The following MSN variants were observed in gnomAD, a reference collection of about 807,000 sequenced individuals.
MSN encodes moesin.
A neutral mutation model predicts 48.0 loss-of-function variants in MSN; 2 were observed. The observed-to-expected ratio is 0.04, with a 90% CI of 0.02 to 0.13. The LOEUF is 0.13. MSN is among the 10% of genes least tolerant of loss of function. The pLI is 1.00. For missense variants in MSN, 267 were observed against 470.1 expected (o/e 0.57, Z 3.99); for synonymous variants, 146 against 166.9 (o/e 0.87, Z 0.97).
chrX:65,732,505 T>C (rs1465382835), intron 6 of MSN, among the ~76,000 whole-genome samples: 1 of 111,941 alleles, frequency 8.9e-6, no homozygotes, highest in Non-Finnish European at 1.9e-5. Context: ...GACTATCTTA[T>C]CAGCATTTGT....
At chrX:65,680,516 A>G (rs73213351) in intron 1 of MSN, among the ~76,000 whole-genome samples, 3,737 of 111,761 alleles carry the variant, frequency 0.033, 69 homozygotes, top group Non-Finnish European at 0.054. Flanking sequence ...TTGCTAGTAT[A>G]GATACATTCC....
chrX:65,627,205 A>T (rs1371882653), intron 1 of MSN, among the ~76,000 whole-genome samples: 1 of 110,208 alleles, frequency 9.1e-6, no homozygotes, highest in Non-Finnish European at 1.9e-5. Flanking sequence ...TGCATGGTCT[A>T]TAATTTTTAA....
rs896781254 is a variant in MSN, at chrX:65,708,019, A to AT, written c.13-8788dup. Among the ~76,000 whole-genome samples, 103 of 105,425 alleles carry AT rather than the reference A, an allele frequency of 9.8e-4. 1 individual carries two copies. The highest frequency in any genetic ancestry group is 3.2e-3 in the East Asian group (11 of 3,400). 91.5% of individuals were successfully genotyped at this position (105,425 alleles called of 115,157 possible). On this transcript the variant is annotated intron_variant, in intron 1 of 12. Transcript: ENST00000360270. ...AAAATTTTTATTATTTTTTAACTTG[A>AT]TTTTTTTTTTTAAATAGAGATGGTC...
chrX:65,655,827 C>T (rs1010367234), intron 1 of MSN, among the ~76,000 whole-genome samples: 10 of 112,197 alleles, frequency 8.9e-5, no homozygotes, highest in African/African-American at 2.9e-4. Context: ...AGTGCAGTGG[C>T]GTGACCTTGG....
chrX:65,615,045 T>A (rs1158618589), intron 1 of MSN, among the ~76,000 whole-genome samples: 13 of 103,864 alleles, frequency 1.3e-4, no homozygotes, highest in African/African-American at 4.3e-4. Flanking sequence ...CATCATTTTT[T>A]ATGGCTGCAT....
chrX:65,617,297 G>C (rs1035550373), intron 1 of MSN, among the ~76,000 whole-genome samples: 1 of 110,970 alleles, frequency 9.0e-6, no homozygotes, highest in Non-Finnish European at 1.9e-5. Context: ...GTTCCTCCTT[G>C]TACCTCTGGT....
chrX:65,615,411 A>G (rs1250779959), intron 1 of MSN, among the ~76,000 whole-genome samples: 4 of 110,085 alleles, frequency 3.6e-5, no homozygotes, highest in Non-Finnish European at 5.7e-5. Context: ...CAGGTGTGAG[A>G]TGGTATCTCA....
chrX:65,720,730 A>G (rs1166218478), intron 2 of MSN, among the ~76,000 whole-genome samples: 1 of 112,069 alleles, frequency 8.9e-6, no homozygotes, highest in Admixed American at 9.4e-5. Flanking sequence ...CCTGGAACGC[A>G]GCAGTCATCT....
At chrX:65,668,099 T>A (rs2070892771) in intron 1 of MSN, among the ~76,000 whole-genome samples, 2 of 112,655 alleles carry the variant, frequency 1.8e-5, no homozygotes, top group South Asian at 7.3e-4. Context: ...TCCAGTTCCC[T>A]GTGTCTGAGA....
intron 1 of MSN, among the ~76,000 whole-genome samples, chrX:65,656,301 G>A (rs1286665124): frequency 9.8e-6 from 1 of 102,375 alleles, no homozygotes; most frequent in Non-Finnish European, 1.9e-5. Flanking sequence ...GTGTGTGTGT[G>A]TGTATTGTGT....
chrX:65,718,774 C>A (rs141267242), intron 2 of MSN, among the ~76,000 whole-genome samples: 1 of 101,248 alleles, frequency 9.9e-6, no homozygotes, highest in Non-Finnish European at 1.9e-5. Context: ...GCTATGATCA[C>A]GCCACTGTAC....
intron 1 of MSN, among the ~76,000 whole-genome samples, chrX:65,661,946 G>A (rs1455779025): frequency 8.9e-6 from 1 of 112,493 alleles, no homozygotes; most frequent in Non-Finnish European, 1.9e-5. Flanking sequence ...CTCAGTAGGC[G>A]GAGGTTGCAA....
chrX:65,615,990 A>T (rs1244949744), intron 1 of MSN, among the ~76,000 whole-genome samples: 2 of 110,982 alleles, frequency 1.8e-5, no homozygotes, highest in Non-Finnish European at 3.8e-5. Flanking sequence ...TGTTTTTGTC[A>T]GGTTTGTCAA....
At chrX:65,590,203 T>C (rs1041626497) in intron 1 of MSN, among the ~76,000 whole-genome samples, 3 of 111,054 alleles carry the variant, frequency 2.7e-5, no homozygotes, top group African/African-American at 9.8e-5. Context: ...CTGCCAACAT[T>C]TGTTGGGATG....
chrX:65,625,938 A>G (rs1200486415), intron 1 of MSN: 3 of 104,144 alleles, frequency 2.9e-5, no homozygotes, highest in Non-Finnish European at 5.8e-5. Context: ...CTGTTTGAAC[A>G]TATTTAATAC....
intron 1 of MSN, among the ~76,000 whole-genome samples, chrX:65,688,442 A>G (rs2071139076): frequency 9.0e-6 from 1 of 111,405 alleles, no homozygotes; most frequent in Admixed American, 9.6e-5. Flanking sequence ...AGTGGCTGCA[A>G]AAATTACTCA....
At chrX:65,620,904 C>A (rs2148360215) in intron 1 of MSN, among the ~76,000 whole-genome samples, 1 of 88,524 alleles carries the variant, frequency 1.1e-5, no homozygotes, top group South Asian at 5.1e-4. Context: ...AGTTTTAGGT[C>A]TTATATTTTG....
intron 1 of MSN, among the ~76,000 whole-genome samples, chrX:65,714,231 G>A (rs1355305685): frequency 2.7e-5 from 3 of 112,099 alleles, no homozygotes; most frequent in African/African-American, 9.7e-5. Context: ...CTGGCATTTA[G>A]GTTGATTCCA....
chrX:65,696,897 C>G (rs1016423120), intron 1 of MSN, among the ~76,000 whole-genome samples: 1 of 110,468 alleles, frequency 9.1e-6, no homozygotes, highest in African/African-American at 3.3e-5. Flanking sequence ...TCCTTGCCAC[C>G]AAGAGACTCT....
Sources: gnomAD v4.1 joint callset for allele counts (sites outside exome capture counted in the v4.1 genomes callset) on GRCh38, gnomAD v4.1.1 for gene constraint, MANE v1.5 for transcripts, NCBI Gene and HGNC (gene_info 2026-07-23, HGNC 2026-07-21) for gene names.